NCKAP5: variants seen among roughly 807,000 people sequenced by gnomAD.
NCKAP5 encodes NCK associated protein 5.
A neutral mutation model predicts 167.0 loss-of-function variants in NCKAP5; 92 were observed. The ratio of observed to expected loss-of-function variants is 0.55; its 90% CI spans 0.47 to 0.66. The LOEUF is 0.66. Ranked by LOEUF, NCKAP5 falls within the 30% of genes least tolerant of loss-of-function variation. The pLI, the probability that NCKAP5 is intolerant of heterozygous loss-of-function variation, is 0.00. For synonymous variants in NCKAP5, 891 were observed against 877.4 expected, an observed-to-expected ratio of 1.02 and a Z score of -0.27; for missense variants, 2,378 against 2,315.0, an observed-to-expected ratio of 1.03 and a Z score of -0.56.
chr2:133,322,422 A>G (rs1418205001), intron 3 of NCKAP5, among the ~76,000 whole-genome samples: 1 of 152,172 alleles, frequency 6.6e-6, no homozygotes, highest in Non-Finnish European at 1.5e-5. Context: ...GATAAACTAC[A>G]TTTTACATGA....
rs1031965744 is a variant in NCKAP5 at position 132,847,663 on chromosome 2, G to A, written c.807+12829C>T. 2.0e-5 allele frequency among the ~76,000 whole-genome samples: 3 copies of A among 151,130 alleles called. No individual in the cohort carries two copies. In the South Asian group the frequency reaches 6.3e-4, roughly 32 times the overall value. On this transcript the variant is annotated intron_variant, in intron 11 of 19. Transcript: ENST00000409261. ...TCATGTAACTTACTGAACATTTTCCGTGAACACCTTCAAGGACATATTATC... is the reference window on the plus strand; with the variant it reads ...TCATGTAACTTACTGAACATTTTCCATGAACACCTTCAAGGACATATTATC...
At chr2:133,182,109 GGAACTGAAA>G (rs1272042057) in intron 5 of NCKAP5, among the ~76,000 whole-genome samples, 2 of 152,024 alleles carry the variant, frequency 1.3e-5, no homozygotes, top group Non-Finnish European at 2.9e-5. Context: ...TATGTGAAAT[GGAACTGAAA>G]GAACTGAAAG....
At chr2:133,454,428 T>TAGATTAATGCACTTAGATTAA (rs1303908877) in intron 3 of NCKAP5, among the ~76,000 whole-genome samples, 2 of 152,124 alleles carry the variant, frequency 1.3e-5, no homozygotes, top group Non-Finnish European at 2.9e-5. Context: ...CTAAGTGCCT[T>TAGATTAATGCACTTAGATTAA]TGAGATGGGC....
chr2:132,702,693 T>C (rs934909274), intron 19 of NCKAP5, among the ~76,000 whole-genome samples: 1 of 152,174 alleles, frequency 6.6e-6, no homozygotes, highest in African/African-American at 2.4e-5. Flanking sequence ...ATTTCTTCTT[T>C]TCTACCACCA....
chr2:133,387,418 G>C (rs1255081383), intron 3 of NCKAP5, among the ~76,000 whole-genome samples: 2 of 152,232 alleles, frequency 1.3e-5, no homozygotes, highest in Non-Finnish European at 2.9e-5. Flanking sequence ...GAGATCAGCT[G>C]TTAGTCTGAT....
chr2:133,619,217 A>G, the NCKAP5 span, among the ~76,000 whole-genome samples: 1 of 146,702 alleles, frequency 6.8e-6, no homozygotes, highest in East Asian at 2.0e-4. Flanking sequence ...ATGACGAGTT[A>G]GTGGGTGCAG....
chr2:133,322,611 G>T (rs371474729), intron 3 of NCKAP5, among the ~76,000 whole-genome samples: 1 of 152,146 alleles, frequency 6.6e-6, no homozygotes, highest in South Asian at 2.1e-4. Flanking sequence ...AAAAGTAAAA[G>T]TTGAAAAATT....
At chr2:133,367,222 C>T (rs763709940) in intron 3 of NCKAP5, among the ~76,000 whole-genome samples, 2 of 152,174 alleles carry the variant, frequency 1.3e-5, no homozygotes, top group African/African-American at 4.8e-5. Flanking sequence ...CAGACCTGAC[C>T]TCCTTGGTAT....
chr2:132,904,100 A>G (rs956106075), intron 8 of NCKAP5, among the ~76,000 whole-genome samples: 1 of 151,954 alleles, frequency 6.6e-6, no homozygotes, highest in African/African-American at 2.4e-5. Context: ...CATCTTGGCT[A>G]ATGCAGTGAA....
Position 133,517,515 on chromosome 2 carries a change from CTT to C in NCKAP5, c.10_11del (p.Lys4GlufsTer4), listed in dbSNP as rs1684105101. The C allele has an allele frequency of 6.5e-7, 1 of 1,537,168 alleles. No homozygotes were observed. The highest frequency in any genetic ancestry group is 8.8e-7 in the Non-Finnish European group (1 of 1,138,234). ...CAAAGTCCCTTTTCTCAAGCTGTCT[CTT>C]TCCCTCCATGGATGAAGTTATTTAT... MEGKRQLEKRDFGK... is the reference protein window; with the variant it reads MEGXRQLEKRDFGK... On this transcript the variant is annotated frameshift_variant, in exon 3 of 20. Transcript: ENST00000409261. LOFTEE classifies it high-confidence loss of function.
At chr2:132,801,283 T>C (rs1685010874) in intron 11 of NCKAP5, among the ~76,000 whole-genome samples, 1 of 152,136 alleles carries the variant, frequency 6.6e-6, no homozygotes, top group South Asian at 2.1e-4. Flanking sequence ...AGATACCAAC[T>C]TATACTGAAT....
intron 6 of NCKAP5, among the ~76,000 whole-genome samples, chr2:132,994,650 G>C (rs1187035695): frequency 6.6e-6 from 1 of 152,130 alleles, no homozygotes; most frequent in Non-Finnish European, 1.5e-5. Context: ...TCTACTGTCA[G>C]GTCTTTCTGT....
Position 133,207,960 on chromosome 2 carries a change from G to A in NCKAP5, c.207+5756C>T, listed in dbSNP as rs567751512. 4.6e-5 allele frequency among the ~76,000 whole-genome samples: 7 copies of A among 152,292 alleles called. No homozygotes were observed. In the South Asian group the frequency reaches 1.5e-3, roughly 32 times the overall value. On this transcript the variant is annotated intron_variant, in intron 5 of 19. Coordinates refer to ENST00000409261, the MANE Select transcript of NCKAP5 (RefSeq NM_207363.3). The stretch of plus-strand genomic sequence containing the variant: ...CCTCCCAAAGAGTACAGGAGAGAAA[G>A]GGTGGTGGGGTGGCAAAGAGTAACT...
At chr2:133,471,592 A>G (rs574117977) in intron 3 of NCKAP5, among the ~76,000 whole-genome samples, 4 of 152,150 alleles carry the variant, frequency 2.6e-5, no homozygotes, top group Non-Finnish European at 4.4e-5. Context: ...GGGTATATAT[A>G]CTTAGAAAGA....
At chr2:133,296,260 TGACTCG>T (rs1398250607) in intron 4 of NCKAP5, among the ~76,000 whole-genome samples, 1 of 152,140 alleles carries the variant, frequency 6.6e-6, no homozygotes, top group Non-Finnish European at 1.5e-5. Flanking sequence ...ACCCAGGAAC[TGACTCG>T]GCGCAAGAAG....
intron 3 of NCKAP5, among the ~76,000 whole-genome samples, chr2:133,446,304 G>A: frequency 6.6e-6 from 1 of 152,146 alleles, no homozygotes; most frequent in East Asian, 1.9e-4. Flanking sequence ...AAATAGATAT[G>A]ATATTAAAGA....
At position 133,048,646 on chromosome 2, in the gene NCKAP5, T is replaced by C. The variant is rs540910345; in HGVS notation, c.342-54407A>G. ...GACAAATTAAAATTCAATCTAGTAA[T>C]ATACCACTCATATTGTCACATTTTA... On this transcript the variant is annotated intron_variant, in intron 6 of 19. Coordinates refer to ENST00000409261, the MANE Select transcript of NCKAP5 (RefSeq NM_207363.3). Among the ~76,000 whole-genome samples, 16 of 152,348 alleles carry C rather than the reference T, an allele frequency of 1.1e-4. No homozygotes were observed. The South Asian group carries it at 3.1e-3, about 30-fold the overall frequency.
At chr2:132,889,941 C>T (rs568956339) in intron 8 of NCKAP5, among the ~76,000 whole-genome samples, 92 of 152,136 alleles carry the variant, frequency 6.0e-4, no homozygotes, top group Non-Finnish European at 1.0e-3. Context: ...AAGAAGATGT[C>T]CTCTGAAGGC....
At chr2:132,790,433 G>A (rs143559574) in intron 12 of NCKAP5, among the ~76,000 whole-genome samples, 52 of 152,206 alleles carry the variant, frequency 3.4e-4, no homozygotes, top group Middle Eastern at 6.8e-3. Context: ...GCCTACGGTT[G>A]GGCAAAGTCA....
Sources: allele counts gnomAD v4.1 joint callset (sites outside exome capture counted in the v4.1 genomes callset), GRCh38; gene constraint gnomAD v4.1.1; transcripts MANE v1.5; gene names NCBI Gene and HGNC (gene_info 2026-07-23, HGNC 2026-07-21).